CD274: variants seen among roughly 807,000 people sequenced by gnomAD.
The protein encoded by CD274 is CD274 molecule, also known as programmed cell death 1 ligand 1.
In CD274, 8 loss-of-function variants were observed where a neutral mutation model predicts 30.1. The ratio of observed to expected loss-of-function variants is 0.27; its 90% CI spans 0.16 to 0.48. CD274 has a LOEUF of 0.48. Among genes scored for constraint, CD274 ranks in the 20% least tolerant of loss-of-function variants. CD274 has a pLI of 0.99. For missense variants in CD274, 353 were observed against 346.6 expected (o/e 1.02, Z -0.15); for synonymous variants, 152 against 124.6 (o/e 1.22, Z -1.46).
Position 5,453,223 on chromosome 9 carries a change from T to C in CD274, c.-15+2627T>C, listed in dbSNP as rs535917625. On this transcript the variant is annotated intron_variant, in intron 1 of 6. Coordinates refer to ENST00000381577, the MANE Select transcript of CD274 (RefSeq NM_014143.4). ...ACTGGCAAGAGGATGATGACTCATG[T>C]TATTTCACTTAACCTTTTTATCTTT... Among the ~76,000 whole-genome samples, 121 of 152,276 alleles carry C rather than the reference T, an allele frequency of 7.9e-4. 2 individuals carry two copies. The highest frequency in any genetic ancestry group is 6.8e-3 in the Middle Eastern group (2 of 294).
Position 5,466,922 on chromosome 9 carries a change from C to G in CD274, c.850+93C>G, listed in dbSNP as rs1819506552. On this transcript the variant is annotated intron_variant, in intron 6 of 6. Transcript: ENST00000381577. Reference sequence around the variant, plus strand: ...AGAAATCCATCAGTCATAATCTCCTCTCCTTTTAAAGAATGCTGGTTCCCC... The same window carrying G: ...AGAAATCCATCAGTCATAATCTCCTGTCCTTTTAAAGAATGCTGGTTCCCC... 4 of 904,494 alleles carry G rather than the reference C, an allele frequency of 4.4e-6. No homozygotes were observed. The East Asian group carries it at 1.0e-4, about 23-fold the overall frequency. 56.0% of individuals were successfully genotyped at this position (904,494 alleles called of 1,614,324 possible).
In CD274 at chr9:5,468,028, G is replaced by C. The variant is rs911263617; in HGVS notation, c.*166G>C. 1 of 641,650 alleles carries C rather than the reference G, an allele frequency of 1.6e-6. No homozygotes were observed. Among genetic ancestry groups the C allele is most frequent in the Non-Finnish European group, 2.8e-6 (1 of 354,538 alleles). 39.7% of individuals were successfully genotyped at this position (641,650 alleles called of 1,614,324 possible). On this transcript the variant is annotated 3_prime_UTR_variant, in exon 7 of 7. Coordinates refer to ENST00000381577, the MANE Select transcript of CD274 (RefSeq NM_014143.4). ...AATGGAACCTGGCGAAAGCAGAGGA[G>C]GAGAATGAAGAAAGATGGAGTCAAA...
intron 3 of CD274, among the ~76,000 whole-genome samples, chr9:5,458,260 C>G (rs1260149280): frequency 6.6e-6 from 1 of 152,202 alleles, no homozygotes; most frequent in Non-Finnish European, 1.5e-5. Flanking sequence ...GGATCCCAGG[C>G]AGGAGCAGCT....
intron 1 of CD274, among the ~76,000 whole-genome samples, chr9:5,455,671 TA>T (rs1819288479): frequency 1.3e-5 from 2 of 152,162 alleles, no homozygotes; most frequent in Admixed American, 1.3e-4. Flanking sequence ...TATTTAGCTG[TA>T]GGGGGAAAAA....
intron 5 of CD274, among the ~76,000 whole-genome samples, chr9:5,466,143 A>G (rs1439171138): frequency 6.6e-6 from 1 of 152,228 alleles, no homozygotes; most frequent in African/African-American, 2.4e-5. Context: ...GAGTCAGAGT[A>G]AATAATTCCT....
intron 3 of CD274, among the ~76,000 whole-genome samples, chr9:5,461,249 G>A (rs945066825): frequency 3.3e-5 from 5 of 152,108 alleles, no homozygotes; most frequent in Non-Finnish European, 7.4e-5. Context: ...CCTCTGGGTT[G>A]TGCTTGAATT....
intron 1 of CD274, among the ~76,000 whole-genome samples, chr9:5,452,180 CTAATTTT>C (rs1256763048): frequency 6.6e-6 from 1 of 151,986 alleles, no homozygotes; most frequent in Non-Finnish European, 1.5e-5. Flanking sequence ...CCACGCCCAG[CTAATTTT>C]TGTATTTTTA....
chr9:5,452,263 T>G (rs1199992992), intron 1 of CD274, among the ~76,000 whole-genome samples: 1 of 152,114 alleles, frequency 6.6e-6, no homozygotes, highest in Non-Finnish European at 1.5e-5. Flanking sequence ...GTGATCCGCC[T>G]GCCTCGGCCT....
chr9:5,463,218 T>A lies in CD274; in HGVS notation c.682+97T>A, dbSNP rs1385143401. The A allele has an allele frequency of 6.6e-6, 6 of 915,990 alleles. No individual in the cohort carries two copies. In the Admixed American group the frequency reaches 1.2e-4, roughly 19 times the overall value. The allele number at this position is 915,990 out of a possible 1,614,324, so 56.7% of individuals were successfully genotyped here. A position where few individuals can be genotyped will look rare whatever the true frequency, so the allele number is the denominator to read the frequency against. ...TCATAGTCATTCAGTGATTGTTGAATAAATGAATGAATGAATAACACTATG... is the reference window on the plus strand; with the variant it reads ...TCATAGTCATTCAGTGATTGTTGAAAAAATGAATGAATGAATAACACTATG... On this transcript the variant is annotated intron_variant, in intron 4 of 6. Transcript: ENST00000381577.
intron 4 of CD274, among the ~76,000 whole-genome samples, chr9:5,465,258 A>G (rs1819477521): frequency 6.6e-6 from 1 of 152,120 alleles, no homozygotes; most frequent in South Asian, 2.1e-4. Flanking sequence ...AGACCTCAAA[A>G]CTGGTTAAGG....
chr9:5,467,968 A>G lies in CD274; in HGVS notation c.*106A>G, dbSNP rs1819525293. ...AGGAAGGAATGGGCCCGTGGGATGC[A>G]GGCAATGTGGGACTTAAAAGGCCCA... On this transcript the variant is annotated 3_prime_UTR_variant, in exon 7 of 7. Transcript: ENST00000381577. 4.2e-6 allele frequency: 4 copies of G among 957,886 alleles called. No homozygotes were observed. The highest frequency in any genetic ancestry group is 1.8e-5 in the Admixed American group (1 of 54,110). 59.3% of individuals were successfully genotyped at this position (957,886 alleles called of 1,614,324 possible).
chr9:5,469,037 G>A lies in CD274; in HGVS notation c.*1175G>A, dbSNP rs1328839573. 4.3e-6 allele frequency: 1 copy of A among 232,934 alleles called. No homozygotes were observed. The highest frequency in any genetic ancestry group is 8.5e-6 in the Non-Finnish European group (1 of 117,936). The allele number at this position is 232,934 out of a possible 1,614,324, so 14.4% of individuals were successfully genotyped here. On this transcript the variant is annotated 3_prime_UTR_variant, in exon 7 of 7. Coordinates refer to ENST00000381577, the MANE Select transcript of CD274 (RefSeq NM_014143.4). ...TGTCATAGCATAAGGATGATGCGAG[G>A]GGAAAACCCGAGCAGTGTTGCCAAG...
chr9:5,464,495 A>G (rs1305666458), intron 4 of CD274, among the ~76,000 whole-genome samples: 1 of 152,194 alleles, frequency 6.6e-6, no homozygotes, highest in Non-Finnish European at 1.5e-5. Flanking sequence ...GAGCTGAGCC[A>G]GGCAGGAGCT....
chr9:5,467,694 G>A, intron 6 of CD274, 146 bp from the exon 7 acceptor site: 1 of 759,374 alleles, frequency 1.3e-6, no homozygotes, highest in Non-Finnish European at 2.3e-6. Context: ...GGATAATTGG[G>A]TACAAATATA....
At chr9:5,451,017 T>C (rs1819193389) in intron 1 of CD274, among the ~76,000 whole-genome samples, 1 of 152,202 alleles carries the variant, frequency 6.6e-6, no homozygotes. Flanking sequence ...AGTAAGTCTC[T>C]TCCTGCGCTA....
At chr9:5,463,430 C>CA (rs973967870) in intron 4 of CD274, among the ~76,000 whole-genome samples, 2 of 152,088 alleles carry the variant, frequency 1.3e-5, no homozygotes, top group South Asian at 2.1e-4. Flanking sequence ...AAGAAACAAA[C>CA]AAAAAACAGG....
Position 5,462,891 on chromosome 9 carries a change from A to G in CD274, c.452A>G (p.His151Arg). The G allele has an allele frequency of 1.2e-6, 2 of 1,614,060 alleles. No individual in the cohort carries two copies. Among genetic ancestry groups the G allele is most frequent in the Non-Finnish European group, 1.7e-6 (2 of 1,179,932 alleles). The change falls in exon 4 of 7, where the codon CAT (histidine) becomes CGT (arginine). Residue 151 changes from histidine (H) to arginine (R), a missense_variant. Coordinates refer to ENST00000381577, the MANE Select transcript of CD274 (RefSeq NM_014143.4). ...ILVVDPVTSE[H>R]ELTCQAEGYP... is the part of the protein sequence containing the mutation. Reference sequence around the variant, plus strand: ...GTTGTGGATCCAGTCACCTCTGAACATGAACTGACATGTCAGGCTGAGGGC... The same window carrying G: ...GTTGTGGATCCAGTCACCTCTGAACGTGAACTGACATGTCAGGCTGAGGGC...
intron 3 of CD274, among the ~76,000 whole-genome samples, chr9:5,462,246 C>A (rs1819417513): frequency 6.6e-6 from 1 of 152,120 alleles, no homozygotes; most frequent in Non-Finnish European, 1.5e-5. Flanking sequence ...AAGTGAATGA[C>A]ACCTCAAAAT....
At chr9:5,463,808 T>A (rs1819450574) in intron 4 of CD274, among the ~76,000 whole-genome samples, 1 of 152,136 alleles carries the variant, frequency 6.6e-6, no homozygotes, top group Non-Finnish European at 1.5e-5. Context: ...TTAGCAACAG[T>A]GTATGAAAAT....
Sources: allele counts gnomAD v4.1 joint callset (sites outside exome capture counted in the v4.1 genomes callset), GRCh38; gene constraint gnomAD v4.1.1; transcripts MANE v1.5; gene names NCBI Gene and HGNC (gene_info 2026-07-23, HGNC 2026-07-21).